Variants in EMC8 observed in about 807,000 individuals in gnomAD.
EMC8 encodes COX4 neighbor.
EMC8 carries 11 observed loss-of-function variants against 24.3 expected under a neutral mutation model. The observed-to-expected ratio is 0.45, with a 90% CI of 0.28 to 0.75. EMC8 has a LOEUF of 0.75. EMC8 is among the 30% of genes least tolerant of loss of function. EMC8 has a pLI of 0.12. For synonymous variants in EMC8, 145 were observed against 117.7 expected (o/e 1.23, Z -1.50); for missense variants, 277 against 282.7 (o/e 0.98, Z 0.14).
At chr16:85,790,577 C>A (rs1353797430) in intron 1 of EMC8, among the ~76,000 whole-genome samples, 1 of 152,186 alleles carries the variant, frequency 6.6e-6, no homozygotes, top group Non-Finnish European at 1.5e-5. Context: ...TATACACTAT[C>A]AAAGGGGCTT....
chr16:85,791,544 C>T (rs1384128085), intron 1 of EMC8, among the ~76,000 whole-genome samples: 8 of 152,202 alleles, frequency 5.3e-5, no homozygotes, highest in Admixed American at 5.2e-4. Context: ...ATTCAACTCC[C>T]ACTTATGACA....
At chr16:85,781,958 G>T (rs983896892) in intron 2 of EMC8, 1 of 152,506 alleles carries the variant, frequency 6.6e-6, no homozygotes, top group Non-Finnish European at 1.5e-5. Context: ...GGCCAGCAAG[G>T]ACAGGAAACG....
rs576027117 is a variant in EMC8 at position 85,794,062 on chromosome 16, C to T, written c.231+5003G>A. Among the ~76,000 whole-genome samples, 9 of 152,246 alleles carry T rather than the reference C, an allele frequency of 5.9e-5. No individual in the cohort carries two copies. The South Asian group carries it at 1.9e-3, about 32-fold the overall frequency. ...TATCAAAAACAATTCCAATAGGAAG[C>T]TCTCTGAATGGAACAGAGCCATGAG... On this transcript the variant is annotated intron_variant, in intron 1 of 4. Transcript: ENST00000253457.
At chr16:85,796,642 C>T (rs1027817647) in intron 1 of EMC8, among the ~76,000 whole-genome samples, 2 of 152,164 alleles carry the variant, frequency 1.3e-5, no homozygotes, top group Admixed American at 6.5e-5. Context: ...TACACTCCAT[C>T]CTATTGCTCT....
intron 1 of EMC8, chr16:85,798,801 T>C (rs1484468670): frequency 7.0e-6 from 3 of 431,648 alleles, no homozygotes; most frequent in East Asian, 7.2e-5. Flanking sequence ...AGGCTACTGA[T>C]TTCAGGAAAC....
At chr16:85,780,524 C>A (rs1396078167) in intron 3 of EMC8, 51 bp from the exon 4 acceptor site, 2 of 1,399,206 alleles carry the variant, frequency 1.4e-6, no homozygotes, top group African/African-American at 2.8e-5. Flanking sequence ...AGCCAAACAG[C>A]AGCGGCAGGC....
At chr16:85,788,375 C>T (rs1382203342) in intron 2 of EMC8, among the ~76,000 whole-genome samples, 1 of 152,278 alleles carries the variant, frequency 6.6e-6, no homozygotes, top group Non-Finnish European at 1.5e-5. Context: ...TGTCAACAGC[C>T]TGCTTATTAA....
chr16:85,787,031 A>T (rs1318125681), intron 2 of EMC8, among the ~76,000 whole-genome samples: 1 of 152,042 alleles, frequency 6.6e-6, no homozygotes, highest in Non-Finnish European at 1.5e-5. Flanking sequence ...GCCACGGCAG[A>T]CACTGCTTGG....
chr16:85,790,684 T>TCCC (rs764385028), intron 1 of EMC8, among the ~76,000 whole-genome samples: 2 of 152,238 alleles, frequency 1.3e-5, no homozygotes, highest in African/African-American at 4.8e-5. Context: ...GAGTGTGTCC[T>TCCC]CCCCTAAGGT....
chr16:85,794,763 A>G (rs568283802), intron 1 of EMC8, among the ~76,000 whole-genome samples: 145 of 152,210 alleles, frequency 9.5e-4, no homozygotes, highest in Middle Eastern at 3.4e-3. Flanking sequence ...TAGTTACCGC[A>G]GGGAGTCAAG....
At chr16:85,789,433 A>G (rs1035749645) in intron 1 of EMC8, among the ~76,000 whole-genome samples, 3 of 152,196 alleles carry the variant, frequency 2.0e-5, no homozygotes, top group African/African-American at 7.2e-5. Context: ...CAAAGCTTAG[A>G]GAGGTTCTAA....
At chr16:85,781,438 A>T in intron 2 of EMC8, 158 bp from the exon 3 acceptor site, 1 of 600,804 alleles carries the variant, frequency 1.7e-6, no homozygotes, top group Non-Finnish European at 3.0e-6. Flanking sequence ...TTATTATTTA[A>T]TTTTTTGGTA....
At chr16:85,780,497 A>G (rs750629972) in intron 3 of EMC8, 24 bp from the exon 4 acceptor site, 2 of 1,575,810 alleles carry the variant, frequency 1.3e-6, no homozygotes, top group Non-Finnish European at 1.7e-6. Flanking sequence ...AAAGGACACG[A>G]GAGTGAACAG....
Position 85,799,043 on chromosome 16 carries a change from A to C in EMC8, c.231+22T>G, listed in dbSNP as rs759196736. ...GGGAGGCCAGGCTGCCTGCAAGGGGAAGGGGCCCTTTCCGCGCTTACCAGG... is the reference window on the plus strand; with the variant it reads ...GGGAGGCCAGGCTGCCTGCAAGGGGCAGGGGCCCTTTCCGCGCTTACCAGG... On this transcript the variant is annotated intron_variant, in intron 1 of 4. Transcript: ENST00000253457. The surrounding 1 kb of genome is among the most constrained non-coding windows in gnomAD (Gnocchi z 4.2). 19 of 1,483,448 alleles carry C rather than the reference A, an allele frequency of 1.3e-5. No homozygotes were observed. The South Asian group carries it at 2.3e-4, about 18-fold the overall frequency. The allele number at this position is 1,483,448 out of a possible 1,614,324, so 91.9% of individuals were successfully genotyped here.
chr16:85,791,283 G>A (rs1017380405), intron 1 of EMC8, among the ~76,000 whole-genome samples: 20 of 151,952 alleles, frequency 1.3e-4, no homozygotes, highest in East Asian at 7.7e-4. Flanking sequence ...GAAATAAACC[G>A]TACTTGATTA....
intron 3 of EMC8, chr16:85,780,740 A>T (rs1904453857): frequency 1.9e-6 from 1 of 527,338 alleles, no homozygotes; most frequent in East Asian, 3.3e-5. Flanking sequence ...TTCTGTCTGA[A>T]TCAAGGCTGT....
chr16:85,779,002 C>A lies in EMC8; in HGVS notation c.*706G>T, dbSNP rs757872972. 4 of 152,358 alleles carry A rather than the reference C, an allele frequency of 2.6e-5. No individual in the cohort carries two copies. Among genetic ancestry groups the A allele is most frequent in the Non-Finnish European group, 2.9e-5 (2 of 68,038 alleles). The allele number at this position is 152,358 out of a possible 1,614,324, so 9.4% of individuals were successfully genotyped here. On this transcript the variant is annotated 3_prime_UTR_variant, in exon 5 of 5. Transcript: ENST00000253457. ...CATTTCCCTTTCCTGGCCCTGCAGG[C>A]ACGTGAGCTTTCTGCGTGGCTGAAG...
intron 1 of EMC8, among the ~76,000 whole-genome samples, chr16:85,793,951 A>C (rs1255602920): frequency 1.3e-5 from 2 of 151,936 alleles, no homozygotes; most frequent in Non-Finnish European, 2.9e-5. Flanking sequence ...CACAAATGCA[A>C]GGATTTTTTT....
intron 3 of EMC8, 55 bp from the exon 4 acceptor site, chr16:85,780,528 G>T: frequency 7.4e-7 from 1 of 1,346,886 alleles, no homozygotes; most frequent in Non-Finnish European, 1.1e-6. Flanking sequence ...AAACAGCAGC[G>T]GCAGGCGCCT....
Sources: gnomAD v4.1 joint callset for allele counts (sites outside exome capture counted in the v4.1 genomes callset) on GRCh38, gnomAD v4.1.1 for gene constraint, Gnocchi (gnomAD v3.1) non-coding constraint, MANE v1.5 for transcripts, NCBI Gene and HGNC (gene_info 2026-07-23, HGNC 2026-07-21) for gene names.